Variants in MAML2 observed in about 807,000 individuals in gnomAD.
MAML2 encodes mastermind like transcriptional coactivator 2, also known as mastermind-like protein 2.
A neutral mutation model predicts 96.1 loss-of-function variants in MAML2; 22 were observed. That is an observed-to-expected ratio of 0.23 (90% CI 0.16 to 0.33). MAML2 has a LOEUF of 0.33. MAML2 is among the 10% of genes least tolerant of loss of function. MAML2 has a pLI of 1.00. For missense variants in MAML2, 1,367 were observed against 1,392.4 expected (o/e 0.98, Z 0.29); for synonymous variants, 561 against 521.3 (o/e 1.08, Z -1.04).
chr11:96,029,187 A>AAAT (rs1275936610), intron 2 of MAML2, among the ~76,000 whole-genome samples: 2 of 149,874 alleles, frequency 1.3e-5, no homozygotes, highest in Non-Finnish European at 3.0e-5. Context: ...TTTTAACATC[A>AAAT]AATAATAATA....
intron 1 of MAML2, among the ~76,000 whole-genome samples, chr11:96,305,682 T>C (rs1210967481): frequency 6.6e-6 from 1 of 152,210 alleles, no homozygotes; most frequent in Non-Finnish European, 1.5e-5. Context: ...AGTCATCTAA[T>C]ACACAAAGGG....
intron 4 of MAML2, among the ~76,000 whole-genome samples, chr11:95,981,543 C>T (rs1489439595): frequency 6.6e-6 from 1 of 152,146 alleles, no homozygotes; most frequent in Non-Finnish European, 1.5e-5. Flanking sequence ...AGGTGGTATA[C>T]ATCCTGAAAA....
chr11:96,213,866 G>C (rs916611884), intron 1 of MAML2, among the ~76,000 whole-genome samples: 1 of 152,158 alleles, frequency 6.6e-6, no homozygotes, highest in African/African-American at 2.4e-5. Flanking sequence ...CCTTAAAAGT[G>C]GTCGGTTCCC....
Position 96,342,192 on chromosome 11 carries a change from GA to G in MAML2, c.-298del. On this transcript the variant is annotated 5_prime_UTR_variant, in exon 1 of 5. Transcript: ENST00000524717. ...CTGGAGAAGTTGGACAGAGTTGGTG[GA>G]TTTTTTTTCCTCCACCAAGCTGACA... 1 of 473,170 alleles carries G rather than the reference GA, an allele frequency of 2.1e-6. No homozygotes were observed. 29.3% of individuals were successfully genotyped at this position (473,170 alleles called of 1,614,324 possible).
intron 1 of MAML2, among the ~76,000 whole-genome samples, chr11:96,325,763 T>C (rs1045801281): frequency 6.6e-6 from 1 of 152,164 alleles, no homozygotes; most frequent in Non-Finnish European, 1.5e-5. Flanking sequence ...GCACAGAAGA[T>C]GCTGACAAGA....
At chr11:96,321,972 T>TTG (rs1863708997) in intron 1 of MAML2, among the ~76,000 whole-genome samples, 4 of 152,192 alleles carry the variant, frequency 2.6e-5, no homozygotes, top group African/African-American at 9.7e-5. Context: ...TGTTGTTGTT[T>TTG]TTTTCCTTAT....
intron 1 of MAML2, among the ~76,000 whole-genome samples, chr11:96,243,721 T>C (rs1182448154): frequency 6.6e-6 from 1 of 151,070 alleles, no homozygotes. Context: ...TGGCGCGATG[T>C]TGTCTCACTG....
At chr11:96,234,612 T>G (rs1446887703) in intron 1 of MAML2, among the ~76,000 whole-genome samples, 1 of 152,208 alleles carries the variant, frequency 6.6e-6, no homozygotes. Flanking sequence ...CTCCCTCTCT[T>G]TCTGTCTGTC....
Position 96,283,482 on chromosome 11 carries a change from C to A in MAML2, c.513+57901G>T, listed in dbSNP as rs940046642. Among the ~76,000 whole-genome samples, 6 of 152,320 alleles carry A rather than the reference C, an allele frequency of 3.9e-5. No individual in the cohort carries two copies. In the South Asian group the frequency reaches 6.2e-4, roughly 16 times the overall value. On this transcript the variant is annotated intron_variant, in intron 1 of 4. Transcript: ENST00000524717. ...AAATGCAGGCTTTGTGTGCTACAAT[C>A]TTTTTCTCCAAAAGTGAAAATAAAC...
chr11:96,274,381 C>T (rs902970333), intron 1 of MAML2, among the ~76,000 whole-genome samples: 1 of 151,832 alleles, frequency 6.6e-6, no homozygotes. Context: ...CGCACCTGGC[C>T]CCTACTTTTA....
At chr11:96,030,192 C>A (rs1316701715) in intron 2 of MAML2, among the ~76,000 whole-genome samples, 2 of 151,328 alleles carry the variant, frequency 1.3e-5, no homozygotes, top group South Asian at 4.2e-4. Flanking sequence ...GCCGAGATTG[C>A]GCCACTGCAC....
At chr11:96,249,310 C>A (rs1268621823) in intron 1 of MAML2, among the ~76,000 whole-genome samples, 1 of 152,142 alleles carries the variant, frequency 6.6e-6, no homozygotes, top group African/African-American at 2.4e-5. Context: ...AACGCCTCTT[C>A]TTTTCTTTAG....
intron 1 of MAML2, among the ~76,000 whole-genome samples, chr11:96,117,408 A>T (rs1860263587): frequency 6.6e-6 from 1 of 151,072 alleles, no homozygotes; most frequent in African/African-American, 2.4e-5. Flanking sequence ...AGATCCTTCC[A>T]CCTCAGCCTC....
intron 1 of MAML2, among the ~76,000 whole-genome samples, chr11:96,333,634 T>A (rs151230630): frequency 2.6e-4 from 40 of 152,246 alleles, no homozygotes; most frequent in African/African-American, 9.1e-4. Context: ...GCATGGAAAT[T>A]TCAACATGCT....
At chr11:96,127,836 C>T (rs747880380) in intron 1 of MAML2, among the ~76,000 whole-genome samples, 5 of 152,166 alleles carry the variant, frequency 3.3e-5, no homozygotes, top group Non-Finnish European at 7.4e-5. Flanking sequence ...TGCTGACTTC[C>T]CATCCTAGTG....
chr11:96,008,291 C>G (rs904685750), intron 2 of MAML2, among the ~76,000 whole-genome samples: 1 of 152,072 alleles, frequency 6.6e-6, no homozygotes, highest in Admixed American at 6.5e-5. Context: ...TTGAACATAA[C>G]TGTCCAGTGA....
At chr11:96,270,123 C>G (rs1325795395) in intron 1 of MAML2, among the ~76,000 whole-genome samples, 2 of 124,450 alleles carry the variant, frequency 1.6e-5, no homozygotes, top group Non-Finnish European at 3.3e-5. Context: ...CAATCCTCCC[C>G]AGTTTTCTTA....
intron 2 of MAML2, among the ~76,000 whole-genome samples, chr11:96,085,418 T>C (rs1470665740): frequency 6.6e-6 from 1 of 152,152 alleles, no homozygotes; most frequent in African/African-American, 2.4e-5. Flanking sequence ...TTTGCCTCCT[T>C]TGGATTTCAC....
At chr11:96,285,198 C>T (rs1863122544) in intron 1 of MAML2, among the ~76,000 whole-genome samples, 2 of 152,204 alleles carry the variant, frequency 1.3e-5, no homozygotes, top group East Asian at 3.8e-4. Flanking sequence ...CATATTTCTA[C>T]TGTAGCACCT....
Sources: allele counts gnomAD v4.1 joint callset (sites outside exome capture counted in the v4.1 genomes callset), GRCh38; gene constraint gnomAD v4.1.1; transcripts MANE v1.5; gene names NCBI Gene and HGNC (gene_info 2026-07-23, HGNC 2026-07-21).